LDB2: variants seen among roughly 807,000 people sequenced by gnomAD.
LDB2 encodes the protein LIM domain-binding protein 2.
A neutral mutation model predicts 44.3 loss-of-function variants in LDB2; 12 were observed. The observed-to-expected ratio is 0.27, with a 90% CI of 0.17 to 0.44. The LOEUF (loss-of-function observed/expected upper bound fraction) is 0.44. Among genes scored for constraint, LDB2 ranks in the 20% least tolerant of loss-of-function variants. The pLI is 1.00. For synonymous variants in LDB2, 164 were observed against 174.8 expected, an observed-to-expected ratio of 0.94 and a Z score of 0.49; for missense variants, 344 against 473.5, an observed-to-expected ratio of 0.73 and a Z score of 2.54.
At chr4:16,634,414 C>A (rs1242298339) in intron 2 of LDB2, among the ~76,000 whole-genome samples, 1 of 151,606 alleles carries the variant, frequency 6.6e-6, no homozygotes, top group East Asian at 1.9e-4. Flanking sequence ...GGCTAATATC[C>A]AGAGTCTACA....
In LDB2 at chr4:16,621,296, A is replaced by G. The variant is rs188387005; in HGVS notation, c.236-25421T>C. On this transcript the variant is annotated intron_variant, in intron 2 of 7. Transcript: ENST00000304523. Reference sequence around the variant, plus strand: ...GGCAGCCCCAGATGCATCTTGTAACATGAGCTCTGTAAGGGCAAGAACTCT... The same window carrying G: ...GGCAGCCCCAGATGCATCTTGTAACGTGAGCTCTGTAAGGGCAAGAACTCT... Among the ~76,000 whole-genome samples the G allele has an allele frequency of 9.5e-4, 145 of 152,296 alleles. 2 individuals carry two copies. The highest frequency in any genetic ancestry group is 5.4e-3 in the Admixed American group (82 of 15,298).
intron 1 of LDB2, among the ~76,000 whole-genome samples, chr4:16,770,339 C>T (rs1770383292): frequency 6.6e-6 from 1 of 152,122 alleles, no homozygotes; most frequent in African/African-American, 2.4e-5. Context: ...TAAAACCCAG[C>T]ATATTCTCAA....
intron 2 of LDB2, among the ~76,000 whole-genome samples, chr4:16,611,248 C>A (rs1338653260): frequency 1.3e-5 from 2 of 152,188 alleles, no homozygotes; most frequent in Non-Finnish European, 2.9e-5. Context: ...CCAGTACCAG[C>A]CACTGCGAAA....
intron 5 of LDB2, among the ~76,000 whole-genome samples, chr4:16,567,228 A>G (rs1744810645): frequency 6.6e-6 from 1 of 152,206 alleles, no homozygotes; most frequent in Non-Finnish European, 1.5e-5. Flanking sequence ...AAAATATTAG[A>G]AACAACCTAA....
intron 1 of LDB2, among the ~76,000 whole-genome samples, chr4:16,799,644 G>C (rs534191281): frequency 6.6e-6 from 1 of 152,128 alleles, no homozygotes; most frequent in Non-Finnish European, 1.5e-5. Flanking sequence ...CAAGAACAAA[G>C]GCAAAAGCAT....
chr4:16,860,408 G>A (rs576793524), intron 1 of LDB2, among the ~76,000 whole-genome samples: 2 of 152,236 alleles, frequency 1.3e-5, no homozygotes, highest in South Asian at 4.1e-4. Flanking sequence ...CAGAGCAGAT[G>A]TGCAATCTTC....
At chr4:16,536,326 T>C (rs969523803) in intron 5 of LDB2, among the ~76,000 whole-genome samples, 3 of 152,178 alleles carry the variant, frequency 2.0e-5, no homozygotes, top group Non-Finnish European at 4.4e-5. Flanking sequence ...AAATCACTCC[T>C]GCTTTATCGT....
At chr4:16,702,384 G>A (rs543565475) in intron 2 of LDB2, among the ~76,000 whole-genome samples, 4 of 152,180 alleles carry the variant, frequency 2.6e-5, no homozygotes, top group South Asian at 4.2e-4. Flanking sequence ...GCATGCTCCC[G>A]TTCCCCTCCC....
intron 2 of LDB2, among the ~76,000 whole-genome samples, chr4:16,597,352 A>G (rs547318753): frequency 1.8e-4 from 28 of 152,260 alleles, no homozygotes; most frequent in African/African-American, 6.3e-4. Flanking sequence ...TAATCTTTCT[A>G]CATACATTTT....
chr4:16,613,414 G>C (rs1263646259), intron 2 of LDB2, among the ~76,000 whole-genome samples: 1 of 152,318 alleles, frequency 6.6e-6, no homozygotes, highest in East Asian at 1.9e-4. Flanking sequence ...AAGAGATGCA[G>C]TCAAGTTGTC....
intron 1 of LDB2, among the ~76,000 whole-genome samples, chr4:16,820,029 C>A (rs1024835426): frequency 6.6e-6 from 1 of 152,100 alleles, no homozygotes; most frequent in African/African-American, 2.4e-5. Context: ...TTTTGCTCTA[C>A]GTGCAGAAGT....
chr4:16,790,323 C>T (rs777117700), intron 1 of LDB2, among the ~76,000 whole-genome samples: 5 of 152,182 alleles, frequency 3.3e-5, no homozygotes, highest in African/African-American at 4.8e-5. Context: ...GAACATAATA[C>T]GGTCATGCAC....
chr4:16,823,101 T>C (rs945187595), intron 1 of LDB2, among the ~76,000 whole-genome samples: 2 of 152,284 alleles, frequency 1.3e-5, no homozygotes, highest in African/African-American at 4.8e-5. Context: ...TAAGCACAAT[T>C]TGTCTGTCTT....
intron 5 of LDB2, among the ~76,000 whole-genome samples, chr4:16,551,144 G>A (rs1245420560): frequency 1.3e-5 from 2 of 152,192 alleles, no homozygotes; most frequent in Non-Finnish European, 2.9e-5. Flanking sequence ...ATTCTGAATG[G>A]TGGTTACTCT....
rs114746190 is a variant in LDB2 at position 16,894,888 on chromosome 4, C to T, written c.132+3466G>A. The stretch of plus-strand genomic sequence containing the variant: ...CCAAACTGGACCTTCAAGTTTTCTT[C>T]ACCATTACCCAATTATTTTATTATT... On this transcript the variant is annotated intron_variant, in intron 1 of 7. Transcript: ENST00000304523. 9.2e-3 allele frequency among the ~76,000 whole-genome samples: 1,392 copies of T among 151,990 alleles called. 25 individuals carry two copies. The highest frequency in any genetic ancestry group is 0.032 in the African/African-American group (1,328 of 41,452).
intron 3 of LDB2, among the ~76,000 whole-genome samples, chr4:16,590,564 C>G (rs1560567202): frequency 6.6e-6 from 1 of 152,222 alleles, no homozygotes; most frequent in Non-Finnish European, 1.5e-5. Flanking sequence ...GTAACATGTT[C>G]TTTAAGCAAG....
intron 5 of LDB2, among the ~76,000 whole-genome samples, chr4:16,535,050 A>G (rs908741179): frequency 2.0e-4 from 31 of 152,218 alleles, no homozygotes; most frequent in East Asian, 5.8e-4. Context: ...AGGTTGAAAG[A>G]AAGTAAGAAG....
intron 2 of LDB2, among the ~76,000 whole-genome samples, chr4:16,685,033 G>C (rs1748877395): frequency 6.6e-6 from 1 of 152,158 alleles, no homozygotes; most frequent in African/African-American, 2.4e-5. Flanking sequence ...GAGATGAAAT[G>C]GCAGAAAACC....
rs1716287369 is a variant in LDB2 at position 16,870,652 on chromosome 4, A to ATTTTC, written c.132+27701_132+27702insGAAAA. Among the ~76,000 whole-genome samples, 25 of 130,880 alleles carry ATTTTC rather than the reference A, an allele frequency of 1.9e-4. No homozygotes were observed. In the Admixed American group the frequency reaches 2.1e-3, roughly 11 times the overall value. 85.9% of individuals were successfully genotyped at this position (130,880 alleles called of 152,430 possible). A position where few individuals can be genotyped will look rare whatever the true frequency, so the allele number is the denominator to read the frequency against. On this transcript the variant is annotated intron_variant, in intron 1 of 7. Coordinates refer to ENST00000304523, the MANE Select transcript of LDB2 (RefSeq NM_001290.5). ...CTTTATTTATTTATTTATTTATTTT[A>ATTTTC]GATGGAGTCTCGCTCTTGTCACCCA...
Sources: allele counts gnomAD v4.1 joint callset (sites outside exome capture counted in the v4.1 genomes callset), GRCh38; gene constraint gnomAD v4.1.1; transcripts MANE v1.5; gene names NCBI Gene and HGNC (gene_info 2026-07-23, HGNC 2026-07-21).